The following HHLA2 variants were observed in gnomAD, a reference collection of about 807,000 sequenced individuals.
The protein encoded by HHLA2 is HERV-H LTR-associating protein 2.
HHLA2 carries 48 observed loss-of-function variants against 45.9 expected under a neutral mutation model. That is an observed-to-expected ratio of 1.05 (90% CI 0.83 to 1.33). HHLA2 has a LOEUF of 1.33. Among genes scored for constraint, HHLA2 ranks in the 40% most tolerant of loss-of-function variants. HHLA2 has a pLI of 0.00. For synonymous variants in HHLA2, 161 were observed against 173.9 expected (o/e 0.93, Z 0.59); for missense variants, 462 against 494.3 (o/e 0.93, Z 0.62).
chr3:108,348,825 T>C (rs1479202880), intron 3 of HHLA2, among the ~76,000 whole-genome samples: 2 of 128,234 alleles, frequency 1.6e-5, no homozygotes, highest in African/African-American at 5.9e-5. Flanking sequence ...CAGGCCCCGG[T>C]GTGTGATGTT....
chr3:108,301,784 C>T (rs2080852907), intron 1 of HHLA2, among the ~76,000 whole-genome samples: 1 of 152,092 alleles, frequency 6.6e-6, no homozygotes, highest in Non-Finnish European at 1.5e-5. Flanking sequence ...TTCTTGGAAC[C>T]AAGCAGCATG....
chr3:108,358,195 G>T (rs2081931518), intron 7 of HHLA2, 34 bp downstream of exon 6: 2 of 1,490,890 alleles, frequency 1.3e-6, no homozygotes, highest in Non-Finnish European at 1.8e-6. Context: ...AATGGGTTTT[G>T]GCTGTAGCAT....
At chr3:108,313,231 A>C (rs1454067317) in intron 2 of HHLA2, among the ~76,000 whole-genome samples, 1 of 152,186 alleles carries the variant, frequency 6.6e-6, no homozygotes, top group Admixed American at 6.5e-5. Flanking sequence ...TGAGTCATGC[A>C]CAATTCTTTA....
chr3:108,346,886 A>G (rs925739043), intron 3 of HHLA2, among the ~76,000 whole-genome samples: 1 of 152,098 alleles, frequency 6.6e-6, no homozygotes, highest in Non-Finnish European at 1.5e-5. Flanking sequence ...TGTTTTCGCT[A>G]TTTTATGCTT....
intron 7 of HHLA2, among the ~76,000 whole-genome samples, chr3:108,358,639 T>G (rs1267883706): frequency 1.3e-5 from 2 of 152,172 alleles, no homozygotes; most frequent in Non-Finnish European, 2.9e-5. Flanking sequence ...TTCAGTTCAT[T>G]TTTACCTCTG....
chr3:108,350,885 A>C (rs2081763817), intron 3 of HHLA2, among the ~76,000 whole-genome samples: 1 of 152,164 alleles, frequency 6.6e-6, no homozygotes, highest in East Asian at 1.9e-4. Context: ...AGGTTTCACC[A>C]TGTTGGCTAG....
intron 3 of HHLA2, among the ~76,000 whole-genome samples, chr3:108,348,805 C>A (rs908523471): frequency 7.2e-5 from 11 of 151,936 alleles, no homozygotes; most frequent in African/African-American, 2.4e-4. Context: ...CCTAGCCCCC[C>A]ACCCCCTGAC....
intron 8 of HHLA2, among the ~76,000 whole-genome samples, chr3:108,375,476 T>G (rs1576191155): frequency 6.6e-6 from 1 of 150,992 alleles, no homozygotes; most frequent in Non-Finnish European, 1.5e-5. Flanking sequence ...CTTAAAAGAA[T>G]AATAATAATA....
chr3:108,327,300 G>T (rs1368760070), intron 2 of HHLA2, among the ~76,000 whole-genome samples: 1 of 152,126 alleles, frequency 6.6e-6, no homozygotes, highest in East Asian at 1.9e-4. Context: ...TTTTGGTGAG[G>T]TACCTGGTTG....
chr3:108,370,035 C>T (rs1328939021), intron 8 of HHLA2, among the ~76,000 whole-genome samples: 1 of 152,176 alleles, frequency 6.6e-6, no homozygotes, highest in South Asian at 2.1e-4. Context: ...CCCTGACCCC[C>T]GAGTGGCCTA....
intron 3 of HHLA2, among the ~76,000 whole-genome samples, chr3:108,337,061 T>G (rs777550797): frequency 2.0e-5 from 3 of 152,112 alleles, no homozygotes; most frequent in Non-Finnish European, 2.9e-5. Context: ...CCAAGAGTAG[T>G]ACTATTCAAA....
chr3:108,348,413 C>T (rs946917367), intron 3 of HHLA2, among the ~76,000 whole-genome samples: 4 of 151,998 alleles, frequency 2.6e-5, no homozygotes, highest in Admixed American at 6.6e-5. Context: ...AGAAAAGAGC[C>T]GAGAGTTGGT....
intron 3 of HHLA2, among the ~76,000 whole-genome samples, chr3:108,336,170 T>C (rs924667740): frequency 6.6e-6 from 1 of 152,106 alleles, no homozygotes; most frequent in African/African-American, 2.4e-5. Flanking sequence ...AAAATGTAAT[T>C]CACTGTTTTA....
intron 2 of HHLA2, among the ~76,000 whole-genome samples, chr3:108,321,091 TAAA>T (rs67374827): frequency 1.0e-3 from 106 of 101,402 alleles, no homozygotes; most frequent in Admixed American, 1.5e-3. Flanking sequence ...TCCAGGTGTT[TAAA>T]AAAAAAAAAA....
At chr3:108,330,160 G>A (rs2081359158) in intron 3 of HHLA2, among the ~76,000 whole-genome samples, 1 of 152,154 alleles carries the variant, frequency 6.6e-6, no homozygotes, top group South Asian at 2.1e-4. Flanking sequence ...GGAAGCCACA[G>A]TGTCTTTTAT....
chr3:108,301,807 C>G (rs2080853599), intron 1 of HHLA2, among the ~76,000 whole-genome samples: 2 of 152,162 alleles, frequency 1.3e-5, no homozygotes, highest in Non-Finnish European at 2.9e-5. Flanking sequence ...TTACTTTTCA[C>G]TTCTTCCTGC....
At position 108,346,872 on chromosome 3, in the gene HHLA2, G is replaced by C. The variant is rs112788086; in HGVS notation, c.-26-4916G>C. 1.7e-3 allele frequency among the ~76,000 whole-genome samples: 257 copies of C among 152,262 alleles called. 2 individuals carry two copies. The highest frequency in any genetic ancestry group is 5.9e-3 in the African/African-American group (245 of 41,550). On this transcript the variant is annotated intron_variant, in intron 3 of 10. Coordinates refer to ENST00000619531, the Ensembl canonical transcript of HHLA2. Reference sequence around the variant, plus strand: ...CTATTAAGATGGGTATGGGGGAGCTGTTCTGTTTTCGCTATTTTATGCTTG... The same window carrying C: ...CTATTAAGATGGGTATGGGGGAGCTCTTCTGTTTTCGCTATTTTATGCTTG...
chr3:108,322,978 T>C (rs144515789), intron 2 of HHLA2, among the ~76,000 whole-genome samples: 206 of 152,336 alleles, frequency 1.4e-3, no homozygotes, highest in African/African-American at 4.6e-3. Context: ...AGATTCATTT[T>C]CTTGGGTTTA....
At chr3:108,304,197 CAAGA>C (rs764091067) in intron 1 of HHLA2, among the ~76,000 whole-genome samples, 24 of 152,120 alleles carry the variant, frequency 1.6e-4, no homozygotes, top group Admixed American at 2.0e-4. Context: ...CCTTCCCAGT[CAAGA>C]AAGAAAGAAG....
Sources: allele counts gnomAD v4.1 joint callset (sites outside exome capture counted in the v4.1 genomes callset), GRCh38; gene constraint gnomAD v4.1.1; transcripts MANE v1.5; gene names NCBI Gene and HGNC (gene_info 2026-07-23, HGNC 2026-07-21).